CNTNAP5: variants seen among roughly 807,000 people sequenced by gnomAD.
CNTNAP5 encodes contactin associated protein family member 5, also known as contactin-associated protein-like 5.
Under a neutral mutation model 150.2 loss-of-function variants are expected in CNTNAP5, and 72 were observed. The ratio of observed to expected loss-of-function variants is 0.48; its 90% CI spans 0.40 to 0.58. The LOEUF is 0.58. Among genes scored for constraint, CNTNAP5 ranks in the 20% least tolerant of loss-of-function variants. The pLI is 0.00. For missense variants in CNTNAP5, 1,636 were observed against 1,626.2 expected (o/e 1.01, Z -0.10); for synonymous variants, 672 against 619.8 (o/e 1.08, Z -1.25).
chr2:124,693,840 C>CAAAAAAAAA (rs142663614), intron 13 of CNTNAP5, among the ~76,000 whole-genome samples: 4 of 121,748 alleles, frequency 3.3e-5, no homozygotes, highest in African/African-American at 1.2e-4. Context: ...AAAAAAAAGG[C>CAAAAAAAAA]AAAAAAAAAA....
chr2:124,580,647 C>G (rs1696388936), intron 11 of CNTNAP5, among the ~76,000 whole-genome samples: 1 of 152,166 alleles, frequency 6.6e-6, no homozygotes, highest in South Asian at 2.1e-4. Flanking sequence ...CAATGCATAA[C>G]AGTTACGTTT....
At chr2:124,268,453 C>T (rs1687666556) in intron 3 of CNTNAP5, among the ~76,000 whole-genome samples, 1 of 152,184 alleles carries the variant, frequency 6.6e-6, no homozygotes, top group Non-Finnish European at 1.5e-5. Flanking sequence ...TACCCCAACC[C>T]TACAGTGATG....
At chr2:124,521,530 C>T (rs927146147) in intron 8 of CNTNAP5, among the ~76,000 whole-genome samples, 1 of 152,134 alleles carries the variant, frequency 6.6e-6, no homozygotes. Flanking sequence ...CAGACCTCTC[C>T]CCTCAGGCCA....
intron 1 of CNTNAP5, among the ~76,000 whole-genome samples, chr2:124,145,802 A>G (rs1208885234): frequency 1.2e-5 from 1 of 81,684 alleles, no homozygotes; most frequent in Non-Finnish European, 2.2e-5. Flanking sequence ...AATAAAAAAA[A>G]AAAAAACATT....
rs542894242 is a variant in CNTNAP5, at chr2:124,631,789, T to A, written c.1877-15969T>A. On this transcript the variant is annotated intron_variant, in intron 12 of 23. Transcript: ENST00000682447. ...CTATCATCAGAGCAAACAGACAACCTACAGAATGGGAGAACATTTCTGCAA... is the reference window on the plus strand; with the variant it reads ...CTATCATCAGAGCAAACAGACAACCAACAGAATGGGAGAACATTTCTGCAA... Among the ~76,000 whole-genome samples the A allele has an allele frequency of 1.4e-4, 22 of 152,284 alleles. No homozygotes were observed. In the South Asian group the frequency reaches 4.6e-3, roughly 32 times the overall value.
chr2:124,395,794 C>T (rs551706194), intron 3 of CNTNAP5, among the ~76,000 whole-genome samples: 12 of 152,236 alleles, frequency 7.9e-5, no homozygotes, highest in South Asian at 4.1e-4. Flanking sequence ...CACACGTGCA[C>T]GCACATACAC....
chr2:124,445,029 C>A (rs1368084130), intron 5 of CNTNAP5, among the ~76,000 whole-genome samples: 2 of 151,934 alleles, frequency 1.3e-5, no homozygotes, highest in Admixed American at 1.3e-4. Context: ...CTCTATGTCT[C>A]CTTAATACAT....
intron 22 of CNTNAP5, among the ~76,000 whole-genome samples, chr2:124,905,287 A>G (rs1231987876): frequency 6.6e-6 from 1 of 151,986 alleles, no homozygotes; most frequent in Non-Finnish European, 1.5e-5. Context: ...AGAACAACAA[A>G]TGTTGGAGAG....
At chr2:124,791,233 G>C (rs1261604081) in intron 18 of CNTNAP5, among the ~76,000 whole-genome samples, 5 of 152,180 alleles carry the variant, frequency 3.3e-5, no homozygotes, top group African/African-American at 4.8e-5. Context: ...ACTATAGTTT[G>C]AGCCCTCCGT....
At chr2:124,049,786 G>A (rs898751200) in intron 1 of CNTNAP5, among the ~76,000 whole-genome samples, 2 of 152,150 alleles carry the variant, frequency 1.3e-5, no homozygotes, top group African/African-American at 4.8e-5. Flanking sequence ...CAACAGAAAT[G>A]TATTTTTTAC....
At chr2:124,647,078 T>C (rs935521165) in intron 12 of CNTNAP5, among the ~76,000 whole-genome samples, 3 of 152,178 alleles carry the variant, frequency 2.0e-5, no homozygotes, top group Non-Finnish European at 2.9e-5. Flanking sequence ...TGCCCAAATA[T>C]CTCCCCTCTC....
intron 8 of CNTNAP5, among the ~76,000 whole-genome samples, chr2:124,510,301 C>CTATATATATCTATATATCTA (rs1553474660): frequency 5.7e-5 from 6 of 106,040 alleles, no homozygotes; most frequent in South Asian, 3.0e-4. Context: ...ATCTATATAT[C>CTATATATATCTATATATCTA]TATATATATA....
At chr2:124,706,844 A>AAG (rs1679663345) in intron 13 of CNTNAP5, among the ~76,000 whole-genome samples, 1 of 2,678 alleles carries the variant, frequency 3.7e-4, no homozygotes. Flanking sequence ...GAGGGGGAGG[A>AAG]AGGAGGAGGA....
chr2:124,221,721 A>G lies in CNTNAP5; in HGVS notation c.99A>G (p.Pro33=). The change falls in exon 2 of 24, where the codon CCA becomes CCG. Residue 33 remains proline, a synonymous_variant. Coordinates refer to ENST00000682447, the MANE Select transcript of CNTNAP5 (RefSeq NM_001367498.1). ...TCATTATAGACAACTGTGATGATCC[A>G]CTAGCATCCCTGCTCTCTCCAATGG... ...LTATNYNCDD[P]LASLLSPMAF... is the part of the protein sequence containing the mutation. 1 of 1,610,020 alleles carries G rather than the reference A, an allele frequency of 6.2e-7. No individual in the cohort carries two copies. The highest frequency in any genetic ancestry group is 8.5e-7 in the Non-Finnish European group (1 of 1,177,460).
At chr2:124,674,522 T>TCTTCCTTTCTTC (rs1558730674) in intron 13 of CNTNAP5, among the ~76,000 whole-genome samples, 1 of 134,998 alleles carries the variant, frequency 7.4e-6, no homozygotes, top group African/African-American at 2.9e-5. Context: ...TTTCTTTCTT[T>TCTTCCTTTCTTC]CTTTCTTTCT....
chr2:124,183,915 G>A (rs776730898), intron 1 of CNTNAP5, among the ~76,000 whole-genome samples: 1 of 152,098 alleles, frequency 6.6e-6, no homozygotes, highest in Non-Finnish European at 1.5e-5. Flanking sequence ...CGAAAACCGC[G>A]ATTACTTTTG....
At position 124,547,999 on chromosome 2, in the gene CNTNAP5, A is replaced by T. The variant is rs1393963394; in HGVS notation, c.1650-15218A>T. On this transcript the variant is annotated intron_variant, in intron 10 of 23. Coordinates refer to ENST00000682447, the MANE Select transcript of CNTNAP5 (RefSeq NM_001367498.1). ...TCTCTTTCATTTCCTAAAATGGCTTAAACTGTGTTTTCACCATTTCCATCT... is the reference window on the plus strand; with the variant it reads ...TCTCTTTCATTTCCTAAAATGGCTTTAACTGTGTTTTCACCATTTCCATCT... 2.6e-5 allele frequency among the ~76,000 whole-genome samples: 4 copies of T among 152,164 alleles called. No individual in the cohort carries two copies. In the East Asian group the frequency reaches 7.7e-4, roughly 29 times the overall value.
intron 1 of CNTNAP5, among the ~76,000 whole-genome samples, chr2:124,146,287 A>T (rs1043072890): frequency 1.3e-5 from 2 of 152,188 alleles, no homozygotes; most frequent in Non-Finnish European, 2.9e-5. Flanking sequence ...TTAGTTCCCA[A>T]AACAAAACAT....
At chr2:124,574,557 G>T (rs1696235472) in intron 11 of CNTNAP5, among the ~76,000 whole-genome samples, 1 of 152,172 alleles carries the variant, frequency 6.6e-6, no homozygotes, top group African/African-American at 2.4e-5. Flanking sequence ...AAAACATGAG[G>T]AATGTTCTGC....
Sources: allele counts gnomAD v4.1 joint callset (sites outside exome capture counted in the v4.1 genomes callset), GRCh38; gene constraint gnomAD v4.1.1; transcripts MANE v1.5; gene names NCBI Gene and HGNC (gene_info 2026-07-23, HGNC 2026-07-21).